Variants in HPS4 observed in about 807,000 individuals in gnomAD.
HPS4 encodes HPS4 biogenesis of lysosomal organelles complex 3 subunit 2, also known as BLOC-3 complex member HPS4.
In HPS4, 44 loss-of-function variants were observed where a neutral mutation model predicts 70.3. The observed-to-expected ratio is 0.63, with a 90% CI of 0.49 to 0.80. The LOEUF (loss-of-function observed/expected upper bound fraction) is 0.80, where lower values mean the gene tolerates loss of function less well. Among genes scored for constraint, HPS4 ranks in the 30% least tolerant of loss-of-function variants. The pLI, the probability that HPS4 is intolerant of heterozygous loss-of-function variation, is 0.00. For missense variants in HPS4, 873 were observed against 884.4 expected (o/e 0.99, Z 0.16); for synonymous variants, 377 against 355.9 (o/e 1.06, Z -0.67).
chr22:26,480,530 C>T (rs1175726555), intron 2 of HPS4, among the ~76,000 whole-genome samples: 1 of 152,092 alleles, frequency 6.6e-6, no homozygotes, highest in African/African-American at 2.4e-5. Flanking sequence ...CATAAACAAG[C>T]AATGGGACCA....
chr22:26,452,284 A>C lies in HPS4; in HGVS notation c.*949T>G, dbSNP rs1385542259. On this transcript the variant is annotated 3_prime_UTR_variant, in exon 14 of 14. Coordinates refer to ENST00000398145, the MANE Select transcript of HPS4 (RefSeq NM_022081.6). ...ATTTTGACAAATATTTTCATCCTGC[A>C]GTCTGTCTCATACTGTCAAAAAAAT... The C allele has an allele frequency of 2.3e-6, 1 of 443,476 alleles. No individual in the cohort carries two copies. The highest frequency in any genetic ancestry group is 2.6e-5 in the Admixed American group (1 of 38,284). The allele number at this position is 443,476 out of a possible 1,614,324, so 27.5% of individuals were successfully genotyped here.
At chr22:26,483,854 TGCCGAGTGC>T, upstream of HPS4, 1 of 1,322,892 alleles carries the variant, frequency 7.6e-7, no homozygotes, top group East Asian at 3.1e-5. Flanking sequence ...GGCGATGACG[TGCCGAGTGC>T]GCCGCACGCC....
downstream of HPS4, chr22:26,443,285 G>GGT: frequency 8.2e-7 from 1 of 1,224,928 alleles, no homozygotes; most frequent in South Asian, 1.2e-5. Context: ...AGTCCCTACC[G>GGT]GTGTTGTTTC....
At chr22:26,472,969 A>ATCTTCCT (rs1935973502) in intron 4 of HPS4, 30 bp from the exon 5 acceptor site, 1 of 1,582,804 alleles carries the variant, frequency 6.3e-7, no homozygotes, top group African/African-American at 1.3e-5. Flanking sequence ...GAAGACAAGC[A>ATCTTCCT]TCTTCCTTCT....
At chr22:26,467,895 T>TTTA (rs1285784649) in intron 8 of HPS4, 1 of 152,166 alleles carries the variant, frequency 6.6e-6, no homozygotes, top group Non-Finnish European at 1.5e-5. Context: ...TTTTCCTTAT[T>TTTA]TTTTTATTTT....
At chr22:26,462,457 A>C (rs947708311) in intron 11 of HPS4, among the ~76,000 whole-genome samples, 5 of 152,220 alleles carry the variant, frequency 3.3e-5, no homozygotes, top group Non-Finnish European at 7.3e-5. Context: ...CATCTCAATG[A>C]GGCTGTTTTC....
intron 3 of HPS4, among the ~76,000 whole-genome samples, chr22:26,477,744 T>G (rs373130558): frequency 6.6e-6 from 1 of 152,100 alleles, no homozygotes; most frequent in Non-Finnish European, 1.5e-5. Context: ...TTACTACTAA[T>G]GTAAAGGAAA....
intron 7 of HPS4, among the ~76,000 whole-genome samples, 169 bp from the exon 8 acceptor site, chr22:26,468,792 C>G (rs1027011753): frequency 1.3e-5 from 2 of 152,214 alleles, no homozygotes; most frequent in African/African-American, 4.8e-5. Flanking sequence ...TTCCTACCAA[C>G]ATTTAAAATA....
chr22:26,458,778 A>T (rs952302827), intron 11 of HPS4, among the ~76,000 whole-genome samples: 14 of 150,778 alleles, frequency 9.3e-5, no homozygotes, highest in Non-Finnish European at 1.8e-4. Context: ...CCGAGACCGC[A>T]CCACCACACT....
intron 11 of HPS4, among the ~76,000 whole-genome samples, chr22:26,461,707 C>A (rs1312564952): frequency 6.6e-6 from 1 of 152,182 alleles, no homozygotes; most frequent in Non-Finnish European, 1.5e-5. Context: ...ATTTTCAAGG[C>A]TAGTCTGGGA....
chr22:26,469,221 A>G (rs2089313572), intron 7 of HPS4, among the ~76,000 whole-genome samples: 2 of 148,364 alleles, frequency 1.3e-5, no homozygotes, highest in Non-Finnish European at 3.0e-5. Flanking sequence ...CTGAGGTGGG[A>G]GAATAACTTG....
chr22:26,479,608 A>C (rs1356380584), intron 2 of HPS4: 18 of 1,329,610 alleles, frequency 1.4e-5, no homozygotes, highest in African/African-American at 3.0e-5. Flanking sequence ...GAGTAGCTAG[A>C]AAAAAAAACG....
rs1357370879 is a variant in HPS4 at position 26,472,417 on chromosome 22, T to A, written c.386A>T (p.Asn129Ile). Residue 129 changes from asparagine (N) to isoleucine (I), a missense_variant and splice_region_variant, in exon 6 of 14, where the codon AAC becomes ATC. Physicochemically the swap from Asn to Ile is moderately radical, Grantham distance 149. Coordinates refer to ENST00000398145, the MANE Select transcript of HPS4 (RefSeq NM_022081.6). ...CGTGCTCAGTTCTTCCTGAGAACAGTTCTAAAACAGAAAGAGCCTCAGGTC... is the reference window on the plus strand; with the variant it reads ...CGTGCTCAGTTCTTCCTGAGAACAGATCTAAAACAGAAAGAGCCTCAGGTC... ...YNGPVSLAYE[N>I]CSQEELSTEW... 4 of 1,589,624 alleles carry A rather than the reference T, an allele frequency of 2.5e-6. No homozygotes were observed. The highest frequency in any genetic ancestry group is 3.3e-5 in the Admixed American group (2 of 59,994).
At chr22:26,468,702 G>A in intron 7 of HPS4, 79 bp from the exon 8 acceptor site, 1 of 1,314,104 alleles carries the variant, frequency 7.6e-7, no homozygotes. Flanking sequence ...ATGCCTAACA[G>A]CCCGTGTTGA....
rs749799140 is a variant in HPS4, at chr22:26,464,512, T to C, written c.1118A>G (p.His373Arg). 1 of 1,614,144 alleles carries C rather than the reference T, an allele frequency of 6.2e-7. No homozygotes were observed. Among genetic ancestry groups the C allele is most frequent in the Non-Finnish European group, 8.5e-7 (1 of 1,180,022 alleles). ...LQEELDLSEIHIPEAQEVEMA... is the reference protein window; with the variant it reads ...LQEELDLSEIRIPEAQEVEMA... ...TTCCACTTCCTGAGCCTCTGGAATG[T>C]GGATTTCAGACAAGTCGAGTTCTTC... The change falls in exon 11 of 14, where the codon CAC becomes CGC. Residue 373 changes from histidine to arginine, a missense_variant. By Grantham distance (29) the His-to-Arg change is conservative (BLOSUM62 0). Transcript: ENST00000398145.
intron 3 of HPS4, among the ~76,000 whole-genome samples, chr22:26,478,355 G>A (rs1374503631): frequency 1.3e-5 from 2 of 151,746 alleles, no homozygotes; most frequent in Admixed American, 6.6e-5. Context: ...GGTGGATCAC[G>A]AGGTCAGGAG....
At chr22:26,460,373 A>G (rs1453087680) in intron 11 of HPS4, among the ~76,000 whole-genome samples, 1 of 152,202 alleles carries the variant, frequency 6.6e-6, no homozygotes, top group Non-Finnish European at 1.5e-5. Flanking sequence ...ATTTGAACAG[A>G]TGTGTGTGTG....
rs1005413053 is a variant in HPS4, at chr22:26,451,925, C to T, written c.*1308G>A. Reference sequence around the variant, plus strand: ...GGCTGCAGCCTGGCAGCCCTACAAACAGACGGTCCTTACCCAGCCACACTG... The same window carrying T: ...GGCTGCAGCCTGGCAGCCCTACAAATAGACGGTCCTTACCCAGCCACACTG... On this transcript the variant is annotated 3_prime_UTR_variant, in exon 14 of 14. Transcript: ENST00000398145. 1 of 171,156 alleles carries T rather than the reference C, an allele frequency of 5.8e-6. No homozygotes were observed. The highest frequency in any genetic ancestry group is 2.4e-5 in the African/African-American group (1 of 41,608). The allele number at this position is 171,156 out of a possible 1,614,324, so 10.6% of individuals were successfully genotyped here.
intron 2 of HPS4, 51 bp downstream of exon 2, chr22:26,481,669 ACT>A (rs2091301221): frequency 1.9e-6 from 3 of 1,554,924 alleles, no homozygotes; most frequent in Non-Finnish European, 2.7e-6. Flanking sequence ...TAACCCCAAA[ACT>A]CTAACCAACA....
Sources: allele counts gnomAD v4.1 joint callset (sites outside exome capture counted in the v4.1 genomes callset), GRCh38; gene constraint gnomAD v4.1.1; transcripts MANE v1.5; gene names NCBI Gene and HGNC (gene_info 2026-07-23, HGNC 2026-07-21).